SAE1: variants seen among roughly 807,000 people sequenced by gnomAD.
The protein encoded by SAE1 is SUMO-activating enzyme subunit 1.
A neutral mutation model predicts 40.6 loss-of-function variants in SAE1; 11 were observed. The observed-to-expected ratio is 0.27, with a 90% CI of 0.17 to 0.45. The LOEUF (loss-of-function observed/expected upper bound fraction) is 0.45, where lower values mean the gene tolerates loss of function less well. SAE1 is among the 20% of genes least tolerant of loss of function. The pLI is 1.00. For missense variants in SAE1, 373 were observed against 427.3 expected (o/e 0.87, Z 1.12); for synonymous variants, 155 against 154.3 (o/e 1.00, Z -0.03).
intron 6 of SAE1, among the ~76,000 whole-genome samples, chr19:47,186,430 C>G (rs1268434159): frequency 6.6e-6 from 1 of 152,092 alleles, no homozygotes; most frequent in Non-Finnish European, 1.5e-5. Flanking sequence ...ATAGGTAATT[C>G]ATTCAGCGGG....
At chr19:47,181,548 G>A (rs149198684) in intron 6 of SAE1, among the ~76,000 whole-genome samples, 4,315 of 138,456 alleles carry the variant, frequency 0.031, 91 homozygotes, top group Non-Finnish European at 0.045. Context: ...GCATCATCTC[G>A]GCTCACTGCA....
At chr19:47,136,400 A>G (rs552332377) in intron 1 of SAE1, among the ~76,000 whole-genome samples, 62 of 151,848 alleles carry the variant, frequency 4.1e-4, no homozygotes, top group Non-Finnish European at 8.2e-4. Context: ...GGCCCCCCAA[A>G]GTGTTGCAAT....
chr19:47,184,782 TTTTG>T (rs966788155), intron 6 of SAE1, among the ~76,000 whole-genome samples: 3 of 148,220 alleles, frequency 2.0e-5, no homozygotes, highest in Non-Finnish European at 4.4e-5. Context: ...GTGGGGTTTT[TTTTG>T]TTTTTGTTTT....
intron 1 of SAE1, among the ~76,000 whole-genome samples, chr19:47,140,877 C>T (rs904458999): frequency 1.3e-4 from 20 of 152,032 alleles, no homozygotes; most frequent in African/African-American, 4.1e-4. Context: ...TTTTTTGAGA[C>T]GGAGTCTGTC....
chr19:47,210,527 T>C lies in SAE1; in HGVS notation c.*1276T>C, dbSNP rs1479410231. Reference sequence around the variant, plus strand: ...TCAGAGCTTTTATTGGAAGACCAGGTTTGCCTTGATGCAGCCAAAGTGCGT... The same window carrying C: ...TCAGAGCTTTTATTGGAAGACCAGGCTTGCCTTGATGCAGCCAAAGTGCGT... On this transcript the variant is annotated 3_prime_UTR_variant, in exon 9 of 9. Transcript: ENST00000270225. The C allele has an allele frequency of 1.3e-5, 2 of 152,208 alleles. No individual in the cohort carries two copies. The highest frequency in any genetic ancestry group is 4.8e-5 in the African/African-American group (2 of 41,452). 9.4% of individuals were successfully genotyped at this position (152,208 alleles called of 1,614,324 possible).
chr19:47,197,482 C>T (rs1469951945), intron 7 of SAE1, 105 bp downstream of exon 7: 2 of 946,686 alleles, frequency 2.1e-6, no homozygotes, highest in Admixed American at 2.5e-5. Flanking sequence ...TCAGAGAGCA[C>T]CCTGCCACAT....
intron 5 of SAE1, among the ~76,000 whole-genome samples, chr19:47,162,842 A>G (rs1295072087): frequency 6.6e-6 from 1 of 152,084 alleles, no homozygotes; most frequent in African/African-American, 2.4e-5. Flanking sequence ...AAATACAAAA[A>G]TTAGCTGGGC....
intron 7 of SAE1, among the ~76,000 whole-genome samples, chr19:47,198,453 C>G (rs1027722939): frequency 6.6e-6 from 1 of 152,092 alleles, no homozygotes; most frequent in Non-Finnish European, 1.5e-5. Context: ...ATGTACACAC[C>G]CTAATTCCCT....
chr19:47,144,574 C>T (rs926786959), intron 2 of SAE1, among the ~76,000 whole-genome samples: 1 of 151,506 alleles, frequency 6.6e-6, no homozygotes, highest in African/African-American at 2.4e-5. Context: ...TGGCGGGCGC[C>T]TGTGGTCCCA....
intron 1 of SAE1, among the ~76,000 whole-genome samples, chr19:47,141,419 G>C (rs1055955142): frequency 1.3e-5 from 2 of 152,180 alleles, no homozygotes; most frequent in African/African-American, 2.4e-5. Flanking sequence ...TGGGATTACA[G>C]GCATGAGTCA....
intron 6 of SAE1, among the ~76,000 whole-genome samples, chr19:47,192,338 C>T (rs1052522674): frequency 6.6e-6 from 1 of 151,802 alleles, no homozygotes; most frequent in Non-Finnish European, 1.5e-5. Context: ...GCAACCTCTG[C>T]CTCCTGGGTT....
chr19:47,193,042 C>A (rs2058589315), intron 6 of SAE1, among the ~76,000 whole-genome samples: 1 of 150,360 alleles, frequency 6.7e-6, no homozygotes, highest in South Asian at 2.1e-4. Flanking sequence ...TCCAGATCGT[C>A]TAGATGGTCA....
intron 6 of SAE1, among the ~76,000 whole-genome samples, chr19:47,175,107 ATTTTTT>A (rs916783073): frequency 2.4e-4 from 22 of 91,708 alleles, no homozygotes; most frequent in African/African-American, 3.3e-4. Context: ...AGTGGCCTTG[ATTTTTT>A]TTTTTTTTTT....
chr19:47,150,537 A>C (rs534690939), intron 3 of SAE1, among the ~76,000 whole-genome samples, 162 bp downstream of exon 3: 2 of 152,146 alleles, frequency 1.3e-5, no homozygotes, highest in African/African-American at 2.4e-5. Flanking sequence ...GGCTTAGTAT[A>C]TTGTGTGAAT....
intron 3 of SAE1, among the ~76,000 whole-genome samples, 163 bp downstream of exon 3, chr19:47,150,538 T>G (rs1452020769): frequency 6.6e-6 from 1 of 152,196 alleles, no homozygotes; most frequent in Admixed American, 6.6e-5. Flanking sequence ...GCTTAGTATA[T>G]TGTGTGAATG....
chr19:47,133,619 G>A (rs1172589699), intron 1 of SAE1, among the ~76,000 whole-genome samples: 1 of 152,156 alleles, frequency 6.6e-6, no homozygotes, highest in Non-Finnish European at 1.5e-5. Flanking sequence ...TAATCCAGTT[G>A]AGATAAAAAT....
intron 3 of SAE1, among the ~76,000 whole-genome samples, chr19:47,150,689 A>G (rs557040044): frequency 6.6e-6 from 1 of 152,318 alleles, no homozygotes; most frequent in Non-Finnish European, 1.5e-5. Flanking sequence ...CTTTGCACAT[A>G]ACTTTAATCC....
chr19:47,164,437 G>A (rs1339675121), intron 5 of SAE1, among the ~76,000 whole-genome samples: 2 of 152,016 alleles, frequency 1.3e-5, no homozygotes, highest in Non-Finnish European at 2.9e-5. Flanking sequence ...AAAGTGCTGG[G>A]ATTACAGGCA....
At chr19:47,182,496 T>TGTGTGTGTGTGTGAGC (rs143321323) in intron 6 of SAE1, among the ~76,000 whole-genome samples, 1 of 145,938 alleles carries the variant, frequency 6.9e-6, no homozygotes, top group African/African-American at 2.6e-5. Context: ...TGTGTGTGTG[T>TGTGTGTGTGTGTGAGC]GCGCGCACGC....
Sources: allele counts gnomAD v4.1 joint callset (sites outside exome capture counted in the v4.1 genomes callset), GRCh38; gene constraint gnomAD v4.1.1; transcripts MANE v1.5; gene names NCBI Gene and HGNC (gene_info 2026-07-23, HGNC 2026-07-21).